Variants in CFAP69 observed in about 807,000 individuals in gnomAD.
CFAP69 encodes the protein cilia- and flagella-associated protein 69.
CFAP69 carries 92 observed loss-of-function variants against 123.0 expected under a neutral mutation model. The ratio of observed to expected loss-of-function variants is 0.75; its 90% CI spans 0.63 to 0.89. CFAP69 has a LOEUF of 0.89. CFAP69 is among the 40% of genes least tolerant of loss of function. The probability of loss-of-function intolerance (pLI) is 0.00; values close to 1 mark genes in which losing one functional copy is unlikely to be tolerated. For missense variants in CFAP69, 1,067 were observed against 1,096.9 expected (o/e 0.97, Z 0.39); for synonymous variants, 380 against 364.3 (o/e 1.04, Z -0.49).
In CFAP69 at chr7:90,261,927, C is replaced by G; in HGVS notation, c.247-20C>G. On this transcript the variant is annotated intron_variant, in intron 3 of 22. Transcript: ENST00000389297. ...AAAGATATTAATCTGAATTTTATTTCTTAACTAAAAATATTAAAGCCATTA... is the reference window on the plus strand; with the variant it reads ...AAAGATATTAATCTGAATTTTATTTGTTAACTAAAAATATTAAAGCCATTA... The G allele has an allele frequency of 7.9e-7, 1 of 1,263,284 alleles. No homozygotes were observed. The highest frequency in any genetic ancestry group is 1.1e-6 in the Non-Finnish European group (1 of 900,816). The allele number at this position is 1,263,284 out of a possible 1,614,324, so 78.3% of individuals were successfully genotyped here.
intron 2 of CFAP69, among the ~76,000 whole-genome samples, chr7:90,257,605 A>C (rs576649225): frequency 2.0e-5 from 3 of 152,324 alleles, no homozygotes; most frequent in Non-Finnish European, 1.5e-5. Context: ...TTTAGCTTCC[A>C]CACATGAGTG....
intron 11 of CFAP69, 128 bp downstream of exon 11, chr7:90,277,462 TGGCCTGAATTTTA>T: frequency 2.6e-6 from 2 of 764,614 alleles, no homozygotes; most frequent in Non-Finnish European, 3.7e-6. Flanking sequence ...AAAATCTTAC[TGGCCTGAATTTTA>T]GCTTTTAAAT....
intron 19 of CFAP69, 103 bp downstream of exon 19, chr7:90,304,923 G>A (rs1793346311): frequency 1.2e-6 from 1 of 837,946 alleles, no homozygotes; most frequent in Non-Finnish European, 1.8e-6. Flanking sequence ...TCTACATACT[G>A]TATAGTTTTT....
intron 15 of CFAP69, among the ~76,000 whole-genome samples, chr7:90,297,360 G>A (rs991905591): frequency 1.3e-5 from 2 of 152,132 alleles, no homozygotes; most frequent in Non-Finnish European, 2.9e-5. Context: ...TGAGAGAAGG[G>A]TTCGTTCAGT....
chr7:90,271,829 G>C lies in CFAP69; in HGVS notation c.731G>C (p.Cys244Ser). 1 of 1,598,948 alleles carries C rather than the reference G, an allele frequency of 6.3e-7. No homozygotes were observed. The highest frequency in any genetic ancestry group is 8.5e-7 in the Non-Finnish European group (1 of 1,171,236). The change falls in exon 8 of 23, where the codon TGT (cysteine) becomes TCT (serine). Residue 244 changes from cysteine (C) to serine (S), a missense_variant. Physicochemically the swap from Cys to Ser is moderately radical, Grantham distance 112 (BLOSUM62 -1). Coordinates refer to ENST00000389297, the MANE Select transcript of CFAP69 (RefSeq NM_001039706.3). ...MMKAQAASGI[C>S]THLNDPDPSG... ...AAAGCACAAGCAGCCAGTGGAATCT[G>C]TACTCACCTCAATGACCCAGATCCC...
intron 15 of CFAP69, among the ~76,000 whole-genome samples, chr7:90,290,838 T>G (rs1791074515): frequency 6.7e-6 from 1 of 149,800 alleles, no homozygotes; most frequent in African/African-American, 2.5e-5. Flanking sequence ...AGGGGAGCTA[T>G]GTTTAGAAAG....
At chr7:90,260,914 G>A (rs1054200167) in intron 3 of CFAP69, among the ~76,000 whole-genome samples, 2 of 152,080 alleles carry the variant, frequency 1.3e-5, no homozygotes, top group Non-Finnish European at 2.9e-5. Context: ...TCTCTAGGAA[G>A]TTAACAGAGC....
chr7:90,313,481 CTTTGGTTTCCAGTATCA>C (rs973399246), downstream of CFAP69, among the ~76,000 whole-genome samples: 4 of 152,136 alleles, frequency 2.6e-5, no homozygotes, highest in Non-Finnish European at 5.9e-5. Context: ...AATACCCCAA[CTTTGGTTTCCAGTATCA>C]TTCTCCAATA....
At chr7:90,304,418 T>G in intron 18 of CFAP69, 1 of 1,192,462 alleles carries the variant, frequency 8.4e-7, no homozygotes, top group Non-Finnish European at 1.0e-6. Context: ...TTTTTTTTTT[T>G]AAGTCTTTGC....
chr7:90,309,069 T>C (rs1312872378), intron 21 of CFAP69, among the ~76,000 whole-genome samples, 194 bp from the exon 22 acceptor site: 1 of 152,140 alleles, frequency 6.6e-6, no homozygotes, highest in African/African-American at 2.4e-5. Flanking sequence ...GACTGGAGTC[T>C]TCTTCAATGT....
rs1232507233 is a variant in CFAP69 at position 90,304,006 on chromosome 7, G to A, written c.2088G>A (p.Glu696=). ...KKPLFTSFQE[E]QKIIPLPANC... is the part of the protein sequence containing the mutation. The stretch of plus-strand genomic sequence containing the variant: ...CTCTATTTACTAGCTTTCAAGAAGA[G>A]CAAAAAATCATCCCACTGCCTGCTA... Residue 696 remains glutamate, a synonymous_variant, in exon 18 of 23, where the codon GAG becomes GAA. Coordinates refer to ENST00000389297, the MANE Select transcript of CFAP69 (RefSeq NM_001039706.3). 1.3e-6 allele frequency: 2 copies of A among 1,550,638 alleles called. No homozygotes were observed. The highest frequency in any genetic ancestry group is 1.7e-6 in the Non-Finnish European group (2 of 1,146,490).
Position 90,271,794 on chromosome 7 carries a change from T to C in CFAP69, c.696T>C (p.Thr232=), listed in dbSNP as rs1222167149. ...QHLSTSEVNC[T]IMMKAQAASG... ...ATTTATTTTCAGAAGTTAATTGTAC[T>C]ATAATGATGAAAGCACAAGCAGCCA... The change falls in exon 8 of 23, where the codon ACT becomes ACC. Residue 232 remains threonine (T), a synonymous_variant. Coordinates refer to ENST00000389297, the MANE Select transcript of CFAP69 (RefSeq NM_001039706.3). The C allele has an allele frequency of 1.3e-6, 2 of 1,579,008 alleles. No individual in the cohort carries two copies. Among genetic ancestry groups the C allele is most frequent in the Non-Finnish European group, 8.6e-7 (1 of 1,162,894 alleles).
In CFAP69 at chr7:90,268,266, C is replaced by A; in HGVS notation, c.434-20C>A. ...CTTATGACAGTGTTGTTAAATAGCA[C>A]CTGTTTATCTTTCTGGCAGGTGACT... On this transcript the variant is annotated intron_variant, in intron 5 of 22. Coordinates refer to ENST00000389297, the MANE Select transcript of CFAP69 (RefSeq NM_001039706.3). 6.6e-7 allele frequency: 1 copy of A among 1,509,608 alleles called. No homozygotes were observed. Among genetic ancestry groups the A allele is most frequent in the Non-Finnish European group, 9.1e-7 (1 of 1,095,014 alleles). 93.5% of individuals were successfully genotyped at this position (1,509,608 alleles called of 1,614,324 possible).
chr7:90,309,128 A>G (rs1794010573), intron 21 of CFAP69, 135 bp from the exon 22 acceptor site: 1 of 456,524 alleles, frequency 2.2e-6, no homozygotes, highest in South Asian at 5.6e-5. Flanking sequence ...TAAATGAGTA[A>G]ATGCAGATTT....
chr7:90,304,285 T>C, intron 18 of CFAP69, 179 bp downstream of exon 18: 1 of 1,335,188 alleles, frequency 7.5e-7, no homozygotes, highest in Non-Finnish European at 9.6e-7. Flanking sequence ...AGAATCTCTG[T>C]GTGTGGGATC....
chr7:90,319,316 GA>G, the CFAP69 span: 2 of 398,100 alleles, frequency 5.0e-6, no homozygotes, highest in Non-Finnish European at 8.9e-6. Context: ...GACTTTTAAA[GA>G]AAAGTAAACT....
chr7:90,312,430 A>G (rs1415988083), downstream of CFAP69: 2 of 152,216 alleles, frequency 1.3e-5, no homozygotes, highest in Non-Finnish European at 2.9e-5. Context: ...ACTGTAATCT[A>G]GACAATTTCT....
At position 90,286,292 on chromosome 7, in the gene CFAP69, A is replaced by C. The variant is rs1256314756; in HGVS notation, c.1549A>C (p.Asn517His). Residue 517 changes from asparagine (N) to histidine (H), a missense_variant, in exon 14 of 23, where the codon AAT (asparagine) becomes CAT (histidine). By Grantham distance (68) the Asn-to-His change is moderately conservative. Transcript: ENST00000389297. ...TGTTTTCATACCAGGAATCTTTAAA[A>C]ATATAATAAGCAAGCCTAATGAAAA... ...TIQQMIGIFK[N>H]IISKPNEKEE... The C allele has an allele frequency of 1.3e-6, 2 of 1,597,864 alleles. No homozygotes were observed. The highest frequency in any genetic ancestry group is 2.7e-5 in the African/African-American group (2 of 74,208).
rs894291999 is a variant in CFAP69 at position 90,297,525 on chromosome 7, G to A, written c.1776-224G>A. On this transcript the variant is annotated intron_variant, in intron 15 of 22. Transcript: ENST00000389297. ...TGTTTTATTTGTAGGAAAGAAATAG[G>A]CAGTTATGGAAAAGAATGGATATTG... Among the ~76,000 whole-genome samples, 9 of 152,150 alleles carry A rather than the reference G, an allele frequency of 5.9e-5. No homozygotes were observed. In the South Asian group the frequency reaches 6.2e-4, roughly 11 times the overall value.
Sources: gnomAD v4.1 joint callset for allele counts (sites outside exome capture counted in the v4.1 genomes callset) on GRCh38, gnomAD v4.1.1 for gene constraint, MANE v1.5 for transcripts, NCBI Gene and HGNC (gene_info 2026-07-23, HGNC 2026-07-21) for gene names.